Variants in PRMT7 observed in about 807,000 individuals in gnomAD.
The protein encoded by PRMT7 is protein arginine methyltransferase 7.
A neutral mutation model predicts 85.4 loss-of-function variants in PRMT7; 75 were observed. The ratio of observed to expected loss-of-function variants is 0.88; its 90% CI spans 0.73 to 1.06. PRMT7 has a LOEUF of 1.06. PRMT7 is among the 50% of genes least tolerant of loss of function. PRMT7 has a pLI of 0.00. For missense variants in PRMT7, 868 were observed against 915.2 expected, an observed-to-expected ratio of 0.95 and a Z score of 0.67; for synonymous variants, 397 against 359.5, an observed-to-expected ratio of 1.10 and a Z score of -1.18.
chr16:68,346,564 G>A (rs998035233), intron 11 of PRMT7, among the ~76,000 whole-genome samples: 2 of 91,476 alleles, frequency 2.2e-5, no homozygotes, highest in African/African-American at 1.2e-4. Flanking sequence ...GGTGGTCACG[G>A]TGGATTAGGC....
At chr16:68,314,680 A>G (rs750600321) in intron 2 of PRMT7, among the ~76,000 whole-genome samples, 1 of 152,196 alleles carries the variant, frequency 6.6e-6, no homozygotes, top group African/African-American at 2.4e-5. Context: ...AGATGCACCA[A>G]TGTTTAACAA....
At chr16:68,359,291 C>G (rs371937192), downstream of PRMT7, 1 of 152,572 alleles carries the variant, frequency 6.6e-6, no homozygotes. Flanking sequence ...ATCATGAATC[C>G]CAGTCAAGGC....
chr16:68,333,056 C>T (rs557737750), intron 6 of PRMT7, among the ~76,000 whole-genome samples: 43 of 152,120 alleles, frequency 2.8e-4, no homozygotes, highest in African/African-American at 8.2e-4. Context: ...TACAGTGATG[C>T]GAACACAGCT....
intron 3 of PRMT7, among the ~76,000 whole-genome samples, chr16:68,320,657 T>A (rs539640693): frequency 6.6e-6 from 1 of 152,270 alleles, no homozygotes; most frequent in South Asian, 2.1e-4. Flanking sequence ...GCTGCAGAGA[T>A]TTGTTTATGA....
intron 9 of PRMT7, 71 bp downstream of exon 9, chr16:68,340,039 T>G (rs1447747502): frequency 1.9e-5 from 27 of 1,442,674 alleles, no homozygotes; most frequent in Non-Finnish European, 2.5e-5. Flanking sequence ...AAAGTAACAG[T>G]TGAGCCTTGG....
At chr16:68,359,165 GCT>G (rs1410087527), downstream of PRMT7, 1 of 152,492 alleles carries the variant, frequency 6.6e-6, no homozygotes, top group African/African-American at 2.4e-5. Flanking sequence ...GGCCTCAACT[GCT>G]CTCCCTGTGC....
chr16:68,345,555 CAGCTG>C, intron 9 of PRMT7, 115 bp from the exon 10 acceptor site: 2 of 1,418,264 alleles, frequency 1.4e-6, no homozygotes, highest in Non-Finnish European at 1.9e-6. Flanking sequence ...CCACAATAGC[CAGCTG>C]TAGTCTACAT....
intron 5 of PRMT7, among the ~76,000 whole-genome samples, chr16:68,326,580 C>T (rs1038517809): frequency 9.2e-5 from 14 of 152,066 alleles, no homozygotes; most frequent in Non-Finnish European, 1.8e-4. Context: ...AATAACTTTC[C>T]CAGGAATTTC....
chr16:68,345,048 T>A (rs527520956), intron 9 of PRMT7, among the ~76,000 whole-genome samples: 3 of 151,458 alleles, frequency 2.0e-5, no homozygotes, highest in Non-Finnish European at 4.4e-5. Flanking sequence ...TCAACACTTA[T>A]CTCCCAAGAA....
rs138243024 is a variant in PRMT7, at chr16:68,332,252, T to G, written c.391+3078T>G. 3.3e-5 allele frequency among the ~76,000 whole-genome samples: 5 copies of G among 152,318 alleles called. No homozygotes were observed. The East Asian group carries it at 9.6e-4, about 29-fold the overall frequency. On this transcript the variant is annotated intron_variant, in intron 6 of 18. Transcript: ENST00000441236. ...AATTCTTTGTTGTGGACCCTGTCCTTTGCATTGTAGGATGTTTAGCAGTGT... is the reference window on the plus strand; with the variant it reads ...AATTCTTTGTTGTGGACCCTGTCCTGTGCATTGTAGGATGTTTAGCAGTGT...
At chr16:68,340,809 T>C (rs925932805) in intron 9 of PRMT7, among the ~76,000 whole-genome samples, 1 of 152,164 alleles carries the variant, frequency 6.6e-6, no homozygotes, top group Non-Finnish European at 1.5e-5. Context: ...AGCCCTGGTT[T>C]AGTAGAAAAA....
chr16:68,352,203 C>A, intron 14 of PRMT7, 45 bp from the exon 15 acceptor site: 1 of 1,595,930 alleles, frequency 6.3e-7, no homozygotes, highest in South Asian at 1.1e-5. Context: ...ACTCCTGGAC[C>A]GAGCCCTACT....
intron 14 of PRMT7, among the ~76,000 whole-genome samples, chr16:68,349,320 ATG>A (rs947124947): frequency 4.2e-5 from 5 of 118,802 alleles, no homozygotes; most frequent in Non-Finnish European, 7.1e-5. Flanking sequence ...GTTCCTTCTC[ATG>A]TGTGAATCAG....
intron 3 of PRMT7, among the ~76,000 whole-genome samples, chr16:68,321,093 A>C (rs538661670): frequency 6.6e-6 from 1 of 152,232 alleles, no homozygotes; most frequent in South Asian, 2.1e-4. Flanking sequence ...ACATAGTGAA[A>C]CCCCATCTCT....
At chr16:68,331,318 A>G (rs1018721600) in intron 6 of PRMT7, among the ~76,000 whole-genome samples, 1 of 152,112 alleles carries the variant, frequency 6.6e-6, no homozygotes, top group African/African-American at 2.4e-5. Context: ...ACTCTATTAG[A>G]TAGATGTACC....
intron 4 of PRMT7, 45 bp from the exon 5 acceptor site, chr16:68,324,638 T>G: frequency 6.2e-7 from 1 of 1,607,022 alleles, no homozygotes; most frequent in Middle Eastern, 1.7e-4. Context: ...ACCTTTCCAC[T>G]TACTTATAAT....
intron 4 of PRMT7, among the ~76,000 whole-genome samples, chr16:68,323,074 T>C (rs1218589298): frequency 6.6e-6 from 1 of 152,084 alleles, no homozygotes; most frequent in Non-Finnish European, 1.5e-5. Context: ...TAAACGGTCA[T>C]ACTGATTGTA....
At chr16:68,334,869 T>C (rs954709590) in intron 6 of PRMT7, among the ~76,000 whole-genome samples, 1 of 152,114 alleles carries the variant, frequency 6.6e-6, no homozygotes, top group Non-Finnish European at 1.5e-5. Flanking sequence ...CAATTTCAGC[T>C]CACTACAACA....
chr16:68,342,806 C>T (rs2085732315), intron 9 of PRMT7, among the ~76,000 whole-genome samples: 1 of 152,198 alleles, frequency 6.6e-6, no homozygotes, highest in Non-Finnish European at 1.5e-5. Flanking sequence ...CAGCATCCCT[C>T]TGCAGGCTGT....
Sources: gnomAD v4.1 joint callset for allele counts (sites outside exome capture counted in the v4.1 genomes callset) on GRCh38, gnomAD v4.1.1 for gene constraint, MANE v1.5 for transcripts, NCBI Gene and HGNC (gene_info 2026-07-23, HGNC 2026-07-21) for gene names.